The following IQSEC1 variants were observed in gnomAD, a reference collection of about 807,000 sequenced individuals.
IQSEC1 encodes the protein IQ motif and SEC7 domain-containing protein 1.
A neutral mutation model predicts 91.0 loss-of-function variants in IQSEC1; 31 were observed. The ratio of observed to expected loss-of-function variants is 0.34; its 90% confidence interval spans 0.26 to 0.46. IQSEC1 has a LOEUF of 0.46. Ranked by LOEUF, IQSEC1 falls within the 20% of genes least tolerant of loss-of-function variation. The pLI, the probability that IQSEC1 is intolerant of heterozygous loss-of-function variation, is 1.00. For synonymous variants in IQSEC1, 699 were observed against 662.6 expected (o/e 1.05, Z -0.84); for missense variants, 1,388 against 1,575.6 (o/e 0.88, Z 2.02).
intron 2 of IQSEC1, among the ~76,000 whole-genome samples, chr3:13,148,760 C>T (rs1576272052): frequency 6.6e-6 from 1 of 152,246 alleles, no homozygotes; most frequent in South Asian, 2.1e-4. Context: ...GTCCTCACTT[C>T]AAGCCTGTGG....
In IQSEC1 at chr3:12,967,289, C is replaced by G. The variant is rs1700641170; in HGVS notation, c.24-25424G>C. 1.0e-5 allele frequency: 11 copies of G among 1,084,374 alleles called. No individual in the cohort carries two copies. The South Asian group carries it at 1.8e-4, about 17-fold the overall frequency. 67.2% of individuals were successfully genotyped at this position (1,084,374 alleles called of 1,614,324 possible). ...CTCTCGCACGCCGGGCGCCCGGTCC[C>G]GACGGTCACCCGCACTCCCGCACAG... On this transcript the variant is annotated intron_variant, in intron 1 of 13. Coordinates refer to ENST00000613206, the MANE Select transcript of IQSEC1 (RefSeq NM_001134382.3). This position sits in a 1 kb window ranked among gnomAD's most constrained non-coding sequence, Gnocchi z 5.9.
intron 2 of IQSEC1, among the ~76,000 whole-genome samples, chr3:13,086,588 T>C (rs563448271): frequency 6.6e-5 from 10 of 152,300 alleles, no homozygotes; most frequent in African/African-American, 2.4e-4. Flanking sequence ...AGCTTCCCAC[T>C]GCACTCAGAA....
At chr3:13,053,080 T>C in intron 1 of IQSEC1, 4 of 1,034,344 alleles carry the variant, frequency 3.9e-6, no homozygotes, top group Non-Finnish European at 6.1e-6. Context: ...TTTATTTTCT[T>C]GGCCAGGAAT....
At chr3:12,952,011 C>T (rs1389834331) in intron 1 of IQSEC1, among the ~76,000 whole-genome samples, 2 of 152,132 alleles carry the variant, frequency 1.3e-5, no homozygotes, top group East Asian at 3.9e-4. Flanking sequence ...CACAAAGTGA[C>T]GGCCACCTAA....
At chr3:13,181,563 T>C (rs1693845083) in intron 1 of IQSEC1, among the ~76,000 whole-genome samples, 1 of 152,206 alleles carries the variant, frequency 6.6e-6, no homozygotes, top group South Asian at 2.1e-4. Context: ...CCAGGCACTA[T>C]ACTAAGCAGA....
At chr3:13,168,221 A>T (rs1415179769) in intron 1 of IQSEC1, among the ~76,000 whole-genome samples, 1 of 152,190 alleles carries the variant, frequency 6.6e-6, no homozygotes, top group Non-Finnish European at 1.5e-5. Context: ...GACTGATCCA[A>T]ATTCAAGTTC....
At chr3:13,117,952 G>A (rs553046948) in intron 2 of IQSEC1, among the ~76,000 whole-genome samples, 11 of 152,284 alleles carry the variant, frequency 7.2e-5, no homozygotes, top group African/African-American at 2.6e-4. Flanking sequence ...TAAGGATCTA[G>A]TATCCTTATC....
intron 1 of IQSEC1, among the ~76,000 whole-genome samples, chr3:13,240,225 A>T (rs190882265): frequency 2.6e-5 from 4 of 152,200 alleles, no homozygotes; most frequent in African/African-American, 9.6e-5. Flanking sequence ...CAAAAAATTT[A>T]AAAAATTAAA....
upstream of IQSEC1, among the ~76,000 whole-genome samples, chr3:13,078,156 G>A (rs1324975376): frequency 2.0e-5 from 3 of 152,138 alleles, no homozygotes; most frequent in Non-Finnish European, 2.9e-5. Context: ...GAGATGCTTC[G>A]GCTGCTGCAG....
rs114703179 is a variant in IQSEC1 at position 13,214,684 on chromosome 3, C to G, written c.273-50551G>C. 3.3e-5 allele frequency among the ~76,000 whole-genome samples: 5 copies of G among 152,194 alleles called. No homozygotes were observed. Among genetic ancestry groups the G allele is most frequent in the African/African-American group, 1.2e-4 (5 of 41,438 alleles). On this transcript the variant is annotated intron_variant, in intron 1 of 15. Transcript: ENST00000648114. The surrounding 1 kb of genome is among the most constrained non-coding windows in gnomAD (Gnocchi z 4.5). ...GCCATCAAGGGGCCACTGTGGCACACGAGCTGGTGTCCGGTGGAGCACGGT... is the reference window on the plus strand; with the variant it reads ...GCCATCAAGGGGCCACTGTGGCACAGGAGCTGGTGTCCGGTGGAGCACGGT...
At chr3:12,907,196 A>AT (rs934319673) in intron 12 of IQSEC1, among the ~76,000 whole-genome samples, 63 of 152,236 alleles carry the variant, frequency 4.1e-4, no homozygotes, top group East Asian at 2.1e-3. Flanking sequence ...TGAATTTCTG[A>AT]TTTTTTTACC....
At position 12,922,270 on chromosome 3, in the gene IQSEC1, A is replaced by G. The variant is rs1394707395; in HGVS notation, c.1731-28T>C. Reference sequence around the variant, plus strand: ...GGAATAGAGACAGACAGCCCCGCATAAGCACCCCTTGCAGGTGCGACACGC... The same window carrying G: ...GGAATAGAGACAGACAGCCCCGCATGAGCACCCCTTGCAGGTGCGACACGC... On this transcript the variant is annotated intron_variant, in intron 4 of 13. Transcript: ENST00000613206. The surrounding 1 kb of genome is among the most constrained non-coding windows in gnomAD (Gnocchi z 5.1). The G allele has an allele frequency of 1.3e-6, 2 of 1,543,118 alleles. No individual in the cohort carries two copies. The highest frequency in any genetic ancestry group is 1.8e-6 in the Non-Finnish European group (2 of 1,134,092).
chr3:12,937,502 G>A (rs751856639), intron 2 of IQSEC1, among the ~76,000 whole-genome samples: 1 of 152,244 alleles, frequency 6.6e-6, no homozygotes, highest in Non-Finnish European at 1.5e-5. Flanking sequence ...TGTGGGGTTT[G>A]CTGCACTGAG....
chr3:12,945,863 G>A (rs1374309749), intron 1 of IQSEC1, among the ~76,000 whole-genome samples: 2 of 152,234 alleles, frequency 1.3e-5, no homozygotes. Flanking sequence ...CTAGGACTCT[G>A]CTGCTAGGAG....
chr3:12,915,563 G>T, intron 7 of IQSEC1, 31 bp downstream of exon 7: 1 of 1,607,604 alleles, frequency 6.2e-7, no homozygotes, highest in Non-Finnish European at 8.5e-7. Context: ...GTGGTGCTGG[G>T]GCCCACCACG....
chr3:13,278,055 C>T (rs906665931), intron 1 of IQSEC1, among the ~76,000 whole-genome samples: 7 of 152,162 alleles, frequency 4.6e-5, no homozygotes, highest in African/African-American at 9.7e-5. Flanking sequence ...GACGTGCCGC[C>T]GTACGGTTAA....
rs143571204 is a variant in IQSEC1, at chr3:13,260,901, C to T, written c.272+21810G>A. Among the ~76,000 whole-genome samples the T allele has an allele frequency of 1.2e-3, 189 of 152,304 alleles. 2 individuals are homozygous for T. Among genetic ancestry groups the T allele is most frequent in the African/African-American group, 4.4e-3 (184 of 41,564 alleles). On this transcript the variant is annotated intron_variant, in intron 1 of 15. Coordinates refer to the IQSEC1 transcript ENST00000648114. ...AGGACACATGGTGCATATGAGGAGT[C>T]CCCAGTGCTGGGCAGTGCAGAGGCC... is the stretch of plus-strand genomic sequence containing the variant.
chr3:13,195,782 G>A (rs59165323), intron 1 of IQSEC1, among the ~76,000 whole-genome samples: 28,593 of 152,048 alleles, frequency 0.19, 2,801 homozygotes, highest in South Asian at 0.28. Flanking sequence ...TGGTGGGCAC[G>A]ACAAAACTGC....
At chr3:12,917,249 C>CGT (rs1425140513) in intron 6 of IQSEC1, among the ~76,000 whole-genome samples, 2 of 152,140 alleles carry the variant, frequency 1.3e-5, no homozygotes, top group African/African-American at 4.8e-5. Context: ...GACACATCAG[C>CGT]GTCACCCGAG....
Sources: allele counts gnomAD v4.1 joint callset (sites outside exome capture counted in the v4.1 genomes callset), GRCh38; gene constraint gnomAD v4.1.1; non-coding constraint Gnocchi (gnomAD v3.1); transcripts MANE v1.5; gene names NCBI Gene and HGNC (gene_info 2026-07-23, HGNC 2026-07-21).